The following TEX14 variants were observed in gnomAD, a reference collection of about 807,000 sequenced individuals.
TEX14 encodes testis expressed 14, intercellular bridge forming factor.
A neutral mutation model predicts 178.6 loss-of-function variants in TEX14; 168 were observed. The ratio of observed to expected loss-of-function variants is 0.94; its 90% confidence interval spans 0.83 to 1.07. TEX14 has a LOEUF of 1.07. Among genes scored for constraint, TEX14 ranks in the 50% least tolerant of loss-of-function variants. The pLI, the probability that TEX14 is intolerant of heterozygous loss-of-function variation, is 0.00. For synonymous variants in TEX14, 626 were observed against 634.1 expected (o/e 0.99, Z 0.19); for missense variants, 1,730 against 1,753.6 (o/e 0.99, Z 0.24).
At chr17:58,661,171 G>C (rs1268392756) in intron 1 of TEX14, 2 of 808,718 alleles carry the variant, frequency 2.5e-6, no homozygotes, top group Non-Finnish European at 4.5e-6. Context: ...AAGCCGTGGA[G>C]GTAATAGCAC....
At chr17:58,623,109 G>A in intron 3 of TEX14, 97 bp from the exon 4 acceptor site, 1 of 1,119,658 alleles carries the variant, frequency 8.9e-7, no homozygotes, top group East Asian at 2.5e-5. Context: ...CATTCTACAA[G>A]GCAACGTTGG....
chr17:58,613,432 G>A lies in TEX14; in HGVS notation c.994C>T (p.Leu332Phe). 6.2e-7 allele frequency: 1 copy of A among 1,614,054 alleles called. No individual in the cohort carries two copies. The highest frequency in any genetic ancestry group is 8.5e-7 in the Non-Finnish European group (1 of 1,179,974). ...AAACAGCAGTTTACTCGTTCATGAAGGACACTGAACAATGTGCCGATAGTG... is the reference window on the plus strand; with the variant it reads ...AAACAGCAGTTTACTCGTTCATGAAAGACACTGAACAATGTGCCGATAGTG... Reference protein sequence around the residue: ...RITIGTLFSVLHERRSQFPVL... With the variant: ...RITIGTLFSVFHERRSQFPVL... The change falls in exon 9 of 32, where the codon CTT becomes TTT. Residue 332 changes from leucine (L) to phenylalanine (F), a missense_variant. This residue lies in a region of TEX14 where 789 missense variants were observed against 681.2 expected (regional missense o/e 1.16). Transcript: ENST00000349033.
chr17:58,660,171 G>A (rs371923822), intron 1 of TEX14, among the ~76,000 whole-genome samples: 1 of 150,962 alleles, frequency 6.6e-6, no homozygotes, highest in Non-Finnish European at 1.5e-5. Context: ...TTGGGAGGCC[G>A]AGGCGGGTAG....
intron 3 of TEX14, among the ~76,000 whole-genome samples, chr17:58,626,327 AG>A (rs2046140243): frequency 6.6e-6 from 1 of 151,698 alleles, no homozygotes; most frequent in South Asian, 2.1e-4. Flanking sequence ...GCACATCGGG[AG>A]GCCGAGGCGG....
intron 11 of TEX14, among the ~76,000 whole-genome samples, chr17:58,603,189 C>G (rs557566699): frequency 6.6e-6 from 1 of 151,906 alleles, no homozygotes; most frequent in Non-Finnish European, 1.5e-5. Flanking sequence ...ATGGGCTCCC[C>G]GCTGGCAGGG....
intron 3 of TEX14, among the ~76,000 whole-genome samples, chr17:58,626,402 C>T (rs2046141971): frequency 2.0e-5 from 3 of 151,500 alleles, no homozygotes; most frequent in African/African-American, 7.3e-5. Context: ...CCCGTCTCTA[C>T]TAAAAATACA....
chr17:58,676,873 G>A (rs894170760), intron 1 of TEX14, among the ~76,000 whole-genome samples: 2 of 152,092 alleles, frequency 1.3e-5, no homozygotes, highest in Non-Finnish European at 2.9e-5. Context: ...GCTCACGCCT[G>A]TAATCCCAGT....
At chr17:58,614,958 T>G (rs1439416926) in intron 8 of TEX14, among the ~76,000 whole-genome samples, 1 of 152,202 alleles carries the variant, frequency 6.6e-6, no homozygotes, top group East Asian at 1.9e-4. Context: ...AGGGCCTGCA[T>G]GGAGGCTGCA....
In TEX14 at chr17:58,564,887, A is replaced by G. The variant is rs1190796191; in HGVS notation, c.4046T>C (p.Leu1349Pro). The part of the protein sequence containing the change: ...SMLLSKETED[L>P]GEDTERAHST... ...CTGTTACCTCTCTGTGTCCTCTCCA[A>G]GATCTTCAGTTTCTTTGGACAAAAG... Residue 1349 changes from leucine (L) to proline (P), a missense_variant, in exon 28 of 32, where the codon CTT becomes CCT. By Grantham distance (98) the Leu-to-Pro change is moderately conservative. Transcript: ENST00000349033. The G allele has an allele frequency of 3.1e-6, 5 of 1,602,706 alleles. No individual in the cohort carries two copies. The East Asian group carries it at 9.0e-5, about 29-fold the overall frequency.
intron 1 of TEX14, chr17:58,661,525 C>T (rs767726969): frequency 6.2e-5 from 48 of 778,304 alleles, no homozygotes; most frequent in Non-Finnish European, 1.1e-4. Context: ...CGACTTCGTC[C>T]AGAAGCTGTT....
At chr17:58,612,354 T>A (rs2045765760) in intron 9 of TEX14, among the ~76,000 whole-genome samples, 1 of 152,134 alleles carries the variant, frequency 6.6e-6, no homozygotes, top group South Asian at 2.1e-4. Flanking sequence ...TTTGGGAAGC[T>A]AAGGCAGGAG....
chr17:58,612,064 C>T (rs912858613), intron 9 of TEX14, among the ~76,000 whole-genome samples: 2 of 152,188 alleles, frequency 1.3e-5, no homozygotes, highest in Non-Finnish European at 2.9e-5. Context: ...TCTAAACCTA[C>T]ATCTCAGGCC....
chr17:58,573,459 A>G, intron 22 of TEX14, 151 bp from the exon 23 acceptor site: 1 of 684,536 alleles, frequency 1.5e-6, no homozygotes, highest in Non-Finnish European at 2.5e-6. Flanking sequence ...CATCTTATGT[A>G]TCTTAAAGAG....
chr17:58,621,816 G>C lies in TEX14; in HGVS notation c.418-30C>G, dbSNP rs376796314. On this transcript the variant is annotated intron_variant, in intron 4 of 31. Coordinates refer to ENST00000349033, the MANE Select transcript of TEX14 (RefSeq NM_031272.5). ...AAAACATCGCAGAGATGCCCAGTGC[G>C]GGCGCACCAGTTCTCAATGGAATGG... is the stretch of plus-strand genomic sequence containing the variant. 48 of 1,596,178 alleles carry C rather than the reference G, an allele frequency of 3.0e-5. No homozygotes were observed. In the South Asian group the frequency reaches 5.3e-4, roughly 18 times the overall value.
chr17:58,674,296 T>C (rs868521500), intron 1 of TEX14, among the ~76,000 whole-genome samples: 2 of 148,096 alleles, frequency 1.4e-5, no homozygotes, highest in Non-Finnish European at 3.0e-5. Context: ...AAGGAAACCC[T>C]TGATTTGACA....
chr17:58,659,951 C>G (rs2047073738), intron 1 of TEX14, among the ~76,000 whole-genome samples: 2 of 151,082 alleles, frequency 1.3e-5, no homozygotes, highest in African/African-American at 4.8e-5. Context: ...CCCACCTCGG[C>G]CTCCCAAAGT....
intron 1 of TEX14, chr17:58,666,458 C>CAACCAA (rs1210748349): frequency 2.7e-5 from 1 of 36,812 alleles, no homozygotes. Flanking sequence ...CCTTCCACGG[C>CAACCAA]AAAAAAAAAA....
Position 58,570,339 on chromosome 17 carries a change from G to T in TEX14, c.3817+46C>A, listed in dbSNP as rs748513150. On this transcript the variant is annotated intron_variant, in intron 25 of 31. Coordinates refer to ENST00000349033, the MANE Select transcript of TEX14 (RefSeq NM_031272.5). ...CAAAGATTGATAAGCATCAATTTAA[G>T]CCTCCTTGATTATAAACTTCTATTT... 1.0e-5 allele frequency: 13 copies of T among 1,261,122 alleles called. 1 individual carries two copies. The highest frequency in any genetic ancestry group is 1.8e-5 in the South Asian group (1 of 55,282). The allele number at this position is 1,261,122 out of a possible 1,614,324, so 78.1% of individuals were successfully genotyped here. A position where few individuals can be genotyped will look rare whatever the true frequency, so the allele number is the denominator to read the frequency against.
intron 1 of TEX14, among the ~76,000 whole-genome samples, chr17:58,654,051 G>A (rs577545610): frequency 6.6e-4 from 101 of 152,226 alleles, no homozygotes; most frequent in African/African-American, 2.1e-3. Context: ...GGTGGCGGGC[G>A]CCTGTAGTCC....
Sources: allele counts gnomAD v4.1 joint callset (sites outside exome capture counted in the v4.1 genomes callset), GRCh38; gene constraint gnomAD v4.1.1; regional missense constraint gnomAD v4.1.1; transcripts MANE v1.5; gene names NCBI Gene and HGNC (gene_info 2026-07-23, HGNC 2026-07-21).